IQSEC1: variants seen among roughly 807,000 people sequenced by gnomAD.
The protein encoded by IQSEC1 is IQ motif and Sec7 domain ArfGEF 1.
IQSEC1 carries 31 observed loss-of-function variants against 91.0 expected under a neutral mutation model. The observed-to-expected ratio is 0.34, with a 90% CI of 0.26 to 0.46. The LOEUF is 0.46. Ranked by LOEUF, IQSEC1 falls within the 20% of genes least tolerant of loss-of-function variation. IQSEC1 has a pLI of 1.00. For missense variants in IQSEC1, 1,388 were observed against 1,575.6 expected, an observed-to-expected ratio of 0.88 and a Z score of 2.02; for synonymous variants, 699 against 662.6, an observed-to-expected ratio of 1.05 and a Z score of -0.84.
At chr3:12,951,763 G>A (rs1699565602) in intron 1 of IQSEC1, among the ~76,000 whole-genome samples, 1 of 152,204 alleles carries the variant, frequency 6.6e-6, no homozygotes, top group Non-Finnish European at 1.5e-5. Flanking sequence ...GCAGGGTTTG[G>A]ATGAACATGA....
At chr3:13,067,367 AG>A (rs1369549132) in intron 1 of IQSEC1, among the ~76,000 whole-genome samples, 1 of 152,194 alleles carries the variant, frequency 6.6e-6, no homozygotes, top group Admixed American at 6.5e-5. Flanking sequence ...ACGCCTCCTA[AG>A]CCCCCACTGG....
chr3:12,916,728 G>T (rs2125135026), intron 6 of IQSEC1, among the ~76,000 whole-genome samples: 1 of 152,334 alleles, frequency 6.6e-6, no homozygotes, highest in East Asian at 1.9e-4. Context: ...GTTTCCAAAT[G>T]GCAAAAGGCT....
rs75495420 is a variant in IQSEC1, at chr3:12,958,433, G to T, written c.24-16568C>A. Among the ~76,000 whole-genome samples the T allele has an allele frequency of 2.5e-3, 384 of 152,318 alleles. 3 individuals carry two copies. Among genetic ancestry groups the T allele is most frequent in the African/African-American group, 9.0e-3 (373 of 41,570 alleles). ...TGTGTCTGTTTCTCAGTCATAAAATGGGAGTATTGTCCACCCAGCAGGGCT... is the reference window on the plus strand; with the variant it reads ...TGTGTCTGTTTCTCAGTCATAAAATTGGAGTATTGTCCACCCAGCAGGGCT... On this transcript the variant is annotated intron_variant, in intron 1 of 13. Transcript: ENST00000613206.
chr3:13,131,510 T>G (rs1706620355), intron 2 of IQSEC1, among the ~76,000 whole-genome samples: 1 of 127,638 alleles, frequency 7.8e-6, no homozygotes, highest in African/African-American at 2.9e-5. Context: ...TTTTTGATAC[T>G]GAGCCTCACT....
At chr3:13,065,621 T>G (rs554577752) in intron 1 of IQSEC1, among the ~76,000 whole-genome samples, 33 of 152,306 alleles carry the variant, frequency 2.2e-4, no homozygotes, top group Middle Eastern at 3.4e-3. Context: ...CCAGGACCTT[T>G]GTGCAGTGGT....
chr3:13,047,593 C>A, intron 1 of IQSEC1: 1 of 794,920 alleles, frequency 1.3e-6, no homozygotes, highest in Non-Finnish European at 1.5e-6. Context: ...GGGGCCATGT[C>A]CACTCAGGCC....
At chr3:13,060,958 C>T (rs187472241) in intron 1 of IQSEC1, among the ~76,000 whole-genome samples, 4 of 152,330 alleles carry the variant, frequency 2.6e-5, no homozygotes, top group South Asian at 4.1e-4. Flanking sequence ...CCTCTGCATA[C>T]GGGCTCCGAG....
intron 1 of IQSEC1, among the ~76,000 whole-genome samples, chr3:13,023,393 G>A (rs1053363779): frequency 3.9e-5 from 6 of 152,156 alleles, no homozygotes; most frequent in South Asian, 2.1e-4. Context: ...AATGACTCAC[G>A]GATCAAGGTC....
At chr3:12,911,560 A>C in intron 10 of IQSEC1, 69 bp downstream of exon 10, 2 of 1,242,346 alleles carry the variant, frequency 1.6e-6, no homozygotes, top group East Asian at 2.3e-5. Context: ...TCTGTCCTCG[A>C]AGCAGCCAGG....
At chr3:13,000,007 A>T (rs1409570108) in intron 1 of IQSEC1, among the ~76,000 whole-genome samples, 1 of 152,190 alleles carries the variant, frequency 6.6e-6, no homozygotes, top group East Asian at 1.9e-4. Flanking sequence ...ATCTTCAACT[A>T]TGTCTCTCAA....
At chr3:13,047,545 G>C (rs1704546402) in intron 1 of IQSEC1, 1 of 983,698 alleles carries the variant, frequency 1.0e-6, no homozygotes, top group Non-Finnish European at 1.2e-6. Context: ...AAGCGAGACA[G>C]GGTTACTTAT....
chr3:12,985,494 C>G (rs972439360), intron 1 of IQSEC1, among the ~76,000 whole-genome samples: 1 of 151,944 alleles, frequency 6.6e-6, no homozygotes, highest in Non-Finnish European at 1.5e-5. Context: ...TAACAATCCC[C>G]CCCCCCCCGC....
rs1215212851 is a variant in IQSEC1 at position 13,103,870 on chromosome 3, G to A, written c.303-56348C>T. ...AGGTGCTCAGTAAGTCACTAAATGA[G>A]CAGCAATATTTGCCAAAACTTAGGA... On this transcript the variant is annotated intron_variant, in intron 2 of 15. Transcript: ENST00000648114. The surrounding 1 kb of genome is among the most constrained non-coding windows in gnomAD (Gnocchi z 4.1). Among the ~76,000 whole-genome samples the A allele has an allele frequency of 6.6e-6, 1 of 152,220 alleles. No individual in the cohort carries two copies. Among genetic ancestry groups the A allele is most frequent in the African/African-American group, 2.4e-5 (1 of 41,444 alleles).
chr3:12,900,935 T>G lies in IQSEC1; in HGVS notation c.*48A>C, dbSNP rs1259432343. The G allele has an allele frequency of 6.5e-7, 1 of 1,538,096 alleles. No individual in the cohort carries two copies. The highest frequency in any genetic ancestry group is 8.7e-7 in the Non-Finnish European group (1 of 1,146,426). The stretch of plus-strand genomic sequence containing the variant: ...GCTGGCGACCCCCGGGCGTGCCCTG[T>G]GTGGTGTGCAGGTGTTTCAGGGAGC... On this transcript the variant is annotated 3_prime_UTR_variant, in exon 14 of 14. Coordinates refer to ENST00000613206, the MANE Select transcript of IQSEC1 (RefSeq NM_001134382.3).
At chr3:13,138,400 CAGAGA>C (rs1706745835) in intron 2 of IQSEC1, among the ~76,000 whole-genome samples, 2 of 152,012 alleles carry the variant, frequency 1.3e-5, no homozygotes, top group Non-Finnish European at 2.9e-5. Context: ...CCACCTGGGC[CAGAGA>C]CCCTGATGCC....
At chr3:12,927,602 A>G (rs2125238412) in intron 3 of IQSEC1, among the ~76,000 whole-genome samples, 1 of 152,304 alleles carries the variant, frequency 6.6e-6, no homozygotes, top group South Asian at 2.1e-4. Context: ...AGGGACTTCC[A>G]GGACAAGGCT....
chr3:13,102,402 G>A (rs1050272302), intron 2 of IQSEC1, among the ~76,000 whole-genome samples: 43 of 152,100 alleles, frequency 2.8e-4, no homozygotes, highest in African/African-American at 1.0e-3. Flanking sequence ...TGTTGGGGCT[G>A]CCGGGGTTGG....
At chr3:13,010,905 A>G (rs1351894591) in intron 1 of IQSEC1, among the ~76,000 whole-genome samples, 1 of 151,984 alleles carries the variant, frequency 6.6e-6, no homozygotes, top group Non-Finnish European at 1.5e-5. Context: ...CTCGACCTAC[A>G]GTTTCTACCC....
At chr3:13,247,614 C>T (rs567398782) in intron 1 of IQSEC1, among the ~76,000 whole-genome samples, 2 of 152,362 alleles carry the variant, frequency 1.3e-5, no homozygotes, top group East Asian at 1.9e-4. Flanking sequence ...CATGAGCCTT[C>T]GCCCTACAGT....
Sources: allele counts gnomAD v4.1 joint callset (sites outside exome capture counted in the v4.1 genomes callset), GRCh38; gene constraint gnomAD v4.1.1; non-coding constraint Gnocchi (gnomAD v3.1); transcripts MANE v1.5; gene names NCBI Gene and HGNC (gene_info 2026-07-23, HGNC 2026-07-21).